DGAT2: variants seen among roughly 807,000 people sequenced by gnomAD.
DGAT2 encodes the protein acyl-CoA retinol O-fatty-acyltransferase.
A neutral mutation model predicts 48.4 loss-of-function variants in DGAT2; 33 were observed. That is an observed-to-expected ratio of 0.68 (90% confidence interval 0.52 to 0.91). DGAT2 has a LOEUF of 0.91. Among genes scored for constraint, DGAT2 ranks in the 40% least tolerant of loss-of-function variants. DGAT2 has a pLI of 0.00. For missense variants in DGAT2, 446 were observed against 493.7 expected (o/e 0.90, Z 0.92); for synonymous variants, 191 against 194.1 (o/e 0.98, Z 0.13).
Position 75,796,212 on chromosome 11 carries a change from C to T in DGAT2, c.430-116C>T, listed in dbSNP as rs1007881302. On this transcript the variant is annotated intron_variant, in intron 4 of 7. Coordinates refer to ENST00000228027, the MANE Select transcript of DGAT2 (RefSeq NM_032564.5). ...GTAAGGTGTGGAGATTCATTGCAGC[C>T]CTCAGGCCCATGGAGGTCCAGGGGA... 1.8e-5 allele frequency: 15 copies of T among 849,564 alleles called. No individual in the cohort carries two copies. The African/African-American group carries it at 2.0e-4, about 11-fold the overall frequency. 52.6% of individuals were successfully genotyped at this position (849,564 alleles called of 1,614,324 possible). A position where few individuals can be genotyped will look rare whatever the true frequency, so the allele number is the denominator to read the frequency against.
chr11:75,783,456 C>T (rs1331896255), intron 1 of DGAT2, among the ~76,000 whole-genome samples: 1 of 152,108 alleles, frequency 6.6e-6, no homozygotes, highest in African/African-American at 2.4e-5. Flanking sequence ...GAGTGTAGGC[C>T]CCTAAATCCG....
chr11:75,798,716 C>T (rs1479267379), intron 7 of DGAT2, among the ~76,000 whole-genome samples: 1 of 152,126 alleles, frequency 6.6e-6, no homozygotes, highest in Non-Finnish European at 1.5e-5. Context: ...ACTATTGCAG[C>T]AAAGACTAGT....
intron 1 of DGAT2, among the ~76,000 whole-genome samples, chr11:75,783,212 G>A (rs533923579): frequency 8.1e-4 from 123 of 152,288 alleles, no homozygotes; most frequent in Non-Finnish European, 1.1e-3. Flanking sequence ...CTTGCCTGGG[G>A]TCACATAGTG....
chr11:75,768,945 G>A lies in DGAT2; in HGVS notation c.-47G>A. ...GGGCCGGGGCATGGGCCAGGGGCGC[G>A]GGGTGAAGCGGCTTCCCGCGGGGCC... is the stretch of plus-strand genomic sequence containing the variant. On this transcript the variant is annotated 5_prime_UTR_variant, in exon 1 of 8. Transcript: ENST00000228027. 1 of 1,427,690 alleles carries A rather than the reference G, an allele frequency of 7.0e-7. No individual in the cohort carries two copies. The highest frequency in any genetic ancestry group is 2.9e-5 in the East Asian group (1 of 34,594). The allele number at this position is 1,427,690 out of a possible 1,614,324, so 88.4% of individuals were successfully genotyped here.
chr11:75,779,606 C>A lies in DGAT2; in HGVS notation c.122-5012C>A, dbSNP rs141297134. Among the ~76,000 whole-genome samples, 444 of 152,262 alleles carry A rather than the reference C, an allele frequency of 2.9e-3. 2 individuals carry two copies. Among genetic ancestry groups the A allele is most frequent in the African/African-American group, 9.8e-3 (407 of 41,546 alleles). ...AAAGAGCTGCTCTGGGCCTCTCTGG[C>A]AGCTCTACTCCCTCTGCCTTCCCCA... On this transcript the variant is annotated intron_variant, in intron 1 of 7. Transcript: ENST00000228027.
chr11:75,770,913 G>A lies in DGAT2; in HGVS notation c.121+1801G>A, dbSNP rs569592997. ...TGGGATCTACTTTGGTGAAAGATTG[G>A]GTGGAGTAGGGGAGGGCACTGAAGC... On this transcript the variant is annotated intron_variant, in intron 1 of 7. Coordinates refer to ENST00000228027, the MANE Select transcript of DGAT2 (RefSeq NM_032564.5). 4.6e-5 allele frequency among the ~76,000 whole-genome samples: 7 copies of A among 152,234 alleles called. No individual in the cohort carries two copies. The South Asian group carries it at 6.2e-4, about 14-fold the overall frequency.
chr11:75,798,376 TCTC>T lies in DGAT2; in HGVS notation c.964_966del (p.Ser322del), dbSNP rs754419321. 4.3e-6 allele frequency: 7 copies of T among 1,613,966 alleles called. No individual in the cohort carries two copies. Among genetic ancestry groups the T allele is most frequent in the Non-Finnish European group, 5.9e-6 (7 of 1,179,998 alleles). Reference sequence around the variant, plus strand: ...TGCATCTTCCATGGTCGAGGCCTCTTCTCCTCCGACACCTGGGGGCTGGTGCCC... The same window carrying T: ...TGCATCTTCCATGGTCGAGGCCTCTTCTCCGACACCTGGGGGCTGGTGCCC... On this transcript the variant is annotated inframe_deletion, in exon 7 of 8. Coordinates refer to ENST00000228027, the MANE Select transcript of DGAT2 (RefSeq NM_032564.5).
chr11:75,782,422 C>T (rs1944876199), intron 1 of DGAT2, among the ~76,000 whole-genome samples: 1 of 152,186 alleles, frequency 6.6e-6, no homozygotes, highest in Non-Finnish European at 1.5e-5. Context: ...TCTGTCTAGC[C>T]AGGGCATCCA....
intron 2 of DGAT2, among the ~76,000 whole-genome samples, chr11:75,785,711 C>T (rs907128273): frequency 2.6e-5 from 4 of 152,220 alleles, no homozygotes; most frequent in African/African-American, 4.8e-5. Flanking sequence ...ACCCACTCTT[C>T]GGGACTGTAT....
At chr11:75,786,133 C>G (rs1317280568) in intron 2 of DGAT2, among the ~76,000 whole-genome samples, 1 of 152,186 alleles carries the variant, frequency 6.6e-6, no homozygotes, top group Non-Finnish European at 1.5e-5. Context: ...CAAAGTCTTA[C>G]AGGGACAGGT....
At chr11:75,786,690 C>T (rs79818544) in intron 2 of DGAT2, among the ~76,000 whole-genome samples, 11 of 152,212 alleles carry the variant, frequency 7.2e-5, no homozygotes, top group African/African-American at 2.7e-4. Context: ...TGAGCTACTG[C>T]TAATTACTGC....
chr11:75,780,942 G>A (rs1286498485), intron 1 of DGAT2, among the ~76,000 whole-genome samples: 1 of 152,248 alleles, frequency 6.6e-6, no homozygotes, highest in Non-Finnish European at 1.5e-5. Flanking sequence ...GGGGCCTGAA[G>A]AGTGGCCAGA....
At position 75,796,500 on chromosome 11, in the gene DGAT2, T is replaced by C. The variant is rs1248706889; in HGVS notation, c.602T>C (p.Met201Thr). The change falls in exon 5 of 8, where the codon ATG (methionine) becomes ACG (threonine). Residue 201 changes from methionine (M) to threonine (T), a missense_variant. Met to Thr is a moderately conservative substitution (Grantham distance 81). Transcript: ENST00000228027. Reference sequence around the variant, plus strand: ...GCTACACTGGCAGGCAACTTCCGAATGCCTGTGTTGAGGGAGTACCTGATG... The same window carrying C: ...GCTACACTGGCAGGCAACTTCCGAACGCCTGTGTTGAGGGAGTACCTGATG... Reference protein sequence around the residue: ...YLATLAGNFRMPVLREYLMSG... With the variant: ...YLATLAGNFRTPVLREYLMSG... 6.2e-7 allele frequency: 1 copy of C among 1,613,260 alleles called. No homozygotes were observed. The highest frequency in any genetic ancestry group is 2.2e-5 in the East Asian group (1 of 44,894).
intron 1 of DGAT2, among the ~76,000 whole-genome samples, chr11:75,782,684 T>C (rs973537394): frequency 1.3e-5 from 2 of 152,224 alleles, no homozygotes; most frequent in African/African-American, 2.4e-5. Context: ...AGGATAAGCA[T>C]GTGATGAACT....
At chr11:75,795,981 G>A (rs1026606467) in intron 4 of DGAT2, 12 of 238,842 alleles carry the variant, frequency 5.0e-5, no homozygotes, top group Admixed American at 3.5e-4. Context: ...TTGAGTTTTA[G>A]AATAATCACT....
rs757162630 is a variant in DGAT2 at position 75,790,200 on chromosome 11, G to C, written c.263G>C (p.Ser88Thr). ...LSFLVLGVACSAILMYIFCTD... is the reference protein window; with the variant it reads ...LSFLVLGVACTAILMYIFCTD... ...ATCTGCCCCCCAGGAGTGGCCTGCA[G>C]TGCCATCCTCATGTACATATTCTGC... Residue 88 changes from serine to threonine, a missense_variant, in exon 3 of 8, where the codon AGT becomes ACT. By Grantham distance (58) the Ser-to-Thr change is moderately conservative. Transcript: ENST00000228027. The C allele has an allele frequency of 2.5e-6, 4 of 1,613,826 alleles. No individual in the cohort carries two copies. The highest frequency in any genetic ancestry group is 1.3e-5 in the African/African-American group (1 of 74,916).
intron 1 of DGAT2, among the ~76,000 whole-genome samples, chr11:75,771,858 G>C (rs1944761259): frequency 6.6e-6 from 1 of 152,148 alleles, no homozygotes; most frequent in African/African-American, 2.4e-5. Flanking sequence ...TCAATGGTCA[G>C]TGTTGAAATC....
intron 4 of DGAT2, 138 bp downstream of exon 4, chr11:75,790,869 C>A: frequency 1.2e-6 from 1 of 827,274 alleles, no homozygotes; most frequent in Non-Finnish European, 2.0e-6. Context: ...ACTGGCTGTG[C>A]TGGGGACCCC....
intron 2 of DGAT2, among the ~76,000 whole-genome samples, chr11:75,785,212 G>A (rs989190234): frequency 1.3e-5 from 2 of 152,240 alleles, no homozygotes; most frequent in Non-Finnish European, 2.9e-5. Context: ...GGTTATTTGA[G>A]CTCTCTGAGT....
Sources: allele counts gnomAD v4.1 joint callset (sites outside exome capture counted in the v4.1 genomes callset), GRCh38; gene constraint gnomAD v4.1.1; transcripts MANE v1.5; gene names NCBI Gene and HGNC (gene_info 2026-07-23, HGNC 2026-07-21).